The following UBAP2 variants were observed in gnomAD, a reference collection of about 807,000 sequenced individuals.
UBAP2 encodes ubiquitin-associated protein 2.
Under a neutral mutation model 139.6 loss-of-function variants are expected in UBAP2, and 75 were observed. The ratio of observed to expected loss-of-function variants is 0.54; its 90% CI spans 0.45 to 0.65. The LOEUF (loss-of-function observed/expected upper bound fraction) is 0.65. UBAP2 is among the 30% of genes least tolerant of loss of function. The pLI, the probability that UBAP2 is intolerant of heterozygous loss-of-function variation, is 0.00. For missense variants in UBAP2, 1,368 were observed against 1,369.6 expected (o/e 1.00, Z 0.02); for synonymous variants, 526 against 526.2 (o/e 1.00, Z 0.01).
At chr9:33,960,780 C>CA (rs375878545) in intron 10 of UBAP2, 46 bp downstream of exon 10, 189,348 of 1,217,518 alleles carry the variant, frequency 0.16, 4 homozygotes, top group Non-Finnish European at 0.16. Context: ...AATTCCATTT[C>CA]AAAAAAAAAA....
chr9:33,926,266 A>G (rs12553874), intron 22 of UBAP2, among the ~76,000 whole-genome samples: 10,321 of 152,288 alleles, frequency 0.068, 492 homozygotes, highest in Non-Finnish European at 0.099. Flanking sequence ...GGGCCACGTA[A>G]GCAACCTCCA....
chr9:34,011,471 A>G (rs1587656584), intron 2 of UBAP2, among the ~76,000 whole-genome samples: 1 of 152,206 alleles, frequency 6.6e-6, no homozygotes, highest in African/African-American at 2.4e-5. Context: ...TAGTGCTAGC[A>G]TATTTATGAA....
chr9:33,976,421 G>A (rs1828351107), intron 6 of UBAP2, among the ~76,000 whole-genome samples: 2 of 152,314 alleles, frequency 1.3e-5, no homozygotes, highest in South Asian at 2.1e-4. Flanking sequence ...CTAAGAGAAA[G>A]AAGCAGTTAC....
At chr9:34,005,352 T>C (rs954542752) in intron 2 of UBAP2, among the ~76,000 whole-genome samples, 3 of 149,448 alleles carry the variant, frequency 2.0e-5, no homozygotes, top group African/African-American at 7.4e-5. Flanking sequence ...TGAGAATCGC[T>C]TGAACCTGGG....
Position 33,953,329 on chromosome 9 carries a change from T to G in UBAP2, c.1012A>C (p.Thr338Pro). 1 of 1,614,226 alleles carries G rather than the reference T, an allele frequency of 6.2e-7. No homozygotes were observed. Among genetic ancestry groups the G allele is most frequent in the Non-Finnish European group, 8.5e-7 (1 of 1,180,036 alleles). Residue 338 changes from threonine to proline, a missense_variant, in exon 12 of 29, where the codon ACT (threonine) becomes CCT (proline). Physicochemically the swap from Thr to Pro is conservative, Grantham distance 38. Transcript: ENST00000379238. ...GAGTTGACGGCAGTGGAGCTGCCAGTCCCTGGTGCCATCTGATTGTTGTGT... is the reference window on the plus strand; with the variant it reads ...GAGTTGACGGCAGTGGAGCTGCCAGGCCCTGGTGCCATCTGATTGTTGTGT... ...SQHNNQMAPG[T>P]GSSTAVNSCS...
intron 6 of UBAP2, among the ~76,000 whole-genome samples, chr9:33,982,401 C>T (rs1336588210): frequency 6.6e-6 from 1 of 152,146 alleles, no homozygotes; most frequent in Non-Finnish European, 1.5e-5. Context: ...GCCAACTGAT[C>T]AAGCTAAGAA....
chr9:33,928,147 C>T, intron 19 of UBAP2, 155 bp from the exon 20 acceptor site: 2 of 710,844 alleles, frequency 2.8e-6, no homozygotes, highest in Non-Finnish European at 2.3e-6. Flanking sequence ...GCTCTGTGCT[C>T]AGTGCTCACT....
intron 2 of UBAP2, among the ~76,000 whole-genome samples, chr9:34,006,896 G>C (rs139036018): frequency 1.3e-5 from 2 of 152,222 alleles, no homozygotes; most frequent in African/African-American, 4.8e-5. Flanking sequence ...AGTGACTACT[G>C]AACATATTAT....
At chr9:34,045,681 A>C (rs1827519214) in intron 1 of UBAP2, among the ~76,000 whole-genome samples, 1 of 152,126 alleles carries the variant, frequency 6.6e-6, no homozygotes, top group African/African-American at 2.4e-5. Flanking sequence ...CACAAAAGAA[A>C]ATTTTTAAGG....
At position 33,926,891 on chromosome 9, in the gene UBAP2, C is replaced by G. The variant is rs1194603953; in HGVS notation, c.2463+98G>C. The G allele has an allele frequency of 4.7e-6, 6 of 1,267,938 alleles. No individual in the cohort carries two copies. In the African/African-American group the frequency reaches 7.3e-5, roughly 16 times the overall value. The allele number at this position is 1,267,938 out of a possible 1,614,324, so 78.5% of individuals were successfully genotyped here. On this transcript the variant is annotated intron_variant, in intron 21 of 28. Coordinates refer to ENST00000379238, the MANE Select transcript of UBAP2 (RefSeq NM_001370062.2). The stretch of plus-strand genomic sequence containing the variant: ...GGTGCTCAGGGATGGAAGGGCAGCT[C>G]AAGGTGGGCAACCTGGGCCCAACGC...
intron 10 of UBAP2, among the ~76,000 whole-genome samples, chr9:33,960,290 G>A (rs1278624685): frequency 6.6e-6 from 1 of 151,582 alleles, no homozygotes; most frequent in Non-Finnish European, 1.5e-5. Flanking sequence ...CTTGACAATT[G>A]GTCATTTTTA....
intron 10 of UBAP2, among the ~76,000 whole-genome samples, chr9:33,958,400 G>A (rs1048521123): frequency 3.0e-4 from 42 of 141,104 alleles, no homozygotes; most frequent in African/African-American, 1.1e-3. Context: ...ATAAAACACT[G>A]AATGGTTCCC....
chr9:33,968,689 C>T (rs1433572285), intron 8 of UBAP2, among the ~76,000 whole-genome samples: 1 of 152,150 alleles, frequency 6.6e-6, no homozygotes, highest in Non-Finnish European at 1.5e-5. Context: ...TTTTTATATA[C>T]AATACACATA....
In UBAP2 at chr9:33,955,391, C is replaced by T. The variant is rs1248953910; in HGVS notation, c.866+688G>A. ...AAAATTAGCCGGGCGTGGTGGCAGG[C>T]GCCTGTAGTCCCAGCTACTTGGGAG... On this transcript the variant is annotated intron_variant, in intron 11 of 28. Coordinates refer to ENST00000379238, the MANE Select transcript of UBAP2 (RefSeq NM_001370062.2). Among the ~76,000 whole-genome samples, 5 of 151,620 alleles carry T rather than the reference C, an allele frequency of 3.3e-5. No homozygotes were observed. The Middle Eastern group carries it at 0.01, about 309-fold the overall frequency.
intron 19 of UBAP2, among the ~76,000 whole-genome samples, chr9:33,929,486 G>C (rs988843525): frequency 2.6e-5 from 4 of 152,186 alleles, no homozygotes; most frequent in African/African-American, 9.7e-5. Flanking sequence ...GACAGGCCCA[G>C]AGAAGTAAAG....
chr9:34,009,090 A>C (rs1008480850), intron 2 of UBAP2, among the ~76,000 whole-genome samples: 1 of 149,810 alleles, frequency 6.7e-6, no homozygotes, highest in Non-Finnish European at 1.5e-5. Flanking sequence ...TTCCCTAAAA[A>C]TTTGGTGTTT....
intron 21 of UBAP2, 64 bp from the exon 22 acceptor site, chr9:33,926,728 A>G (rs1823464649): frequency 2.6e-6 from 4 of 1,567,956 alleles, no homozygotes; most frequent in Middle Eastern, 3.3e-4. Flanking sequence ...GCCCAGGTCC[A>G]TCTAGGAGTC....
At chr9:33,941,534 C>G in intron 16 of UBAP2, 115 bp downstream of exon 16, 1 of 913,652 alleles carries the variant, frequency 1.1e-6, no homozygotes, top group Non-Finnish European at 1.7e-6. Flanking sequence ...GGATTCTACT[C>G]AAAAGGTTAG....
At chr9:34,043,341 A>G (rs1237623499) in intron 1 of UBAP2, among the ~76,000 whole-genome samples, 1 of 151,798 alleles carries the variant, frequency 6.6e-6, no homozygotes, top group African/African-American at 2.4e-5. Flanking sequence ...TAATTTTTGT[A>G]TTTTTAGTAA....
Sources: gnomAD v4.1 joint callset for allele counts (sites outside exome capture counted in the v4.1 genomes callset) on GRCh38, gnomAD v4.1.1 for gene constraint, MANE v1.5 for transcripts, NCBI Gene and HGNC (gene_info 2026-07-23, HGNC 2026-07-21) for gene names.